XKR6: variants seen among roughly 807,000 people sequenced by gnomAD.
XKR6 encodes the protein XK related 6, also known as XK-related protein 6.
Under a neutral mutation model 56.7 loss-of-function variants are expected in XKR6, and 22 were observed. The ratio of observed to expected loss-of-function variants is 0.39; its 90% confidence interval spans 0.28 to 0.55. The LOEUF (loss-of-function observed/expected upper bound fraction) is 0.55, where lower values mean the gene tolerates loss of function less well. XKR6 is among the 20% of genes least tolerant of loss of function. The pLI is 0.66. For missense variants in XKR6, 852 were observed against 889.0 expected, an observed-to-expected ratio of 0.96 and a Z score of 0.53; for synonymous variants, 524 against 387.8, an observed-to-expected ratio of 1.35 and a Z score of -4.13.
Position 11,190,307 on chromosome 8 carries a change from G to C in XKR6, c.764+10269C>G, listed in dbSNP as rs541766402. On this transcript the variant is annotated intron_variant, in intron 1 of 2. Transcript: ENST00000416569. ...AAATAAAAGAAAAGAAAAGAAAACA[G>C]CTTCTTTATATCCTTGGGATACAAC... Among the ~76,000 whole-genome samples the C allele has an allele frequency of 2.0e-3, 306 of 152,026 alleles. 1 individual carries two copies. The highest frequency in any genetic ancestry group is 7.1e-3 in the African/African-American group (296 of 41,480).
intron 2 of XKR6, among the ~76,000 whole-genome samples, chr8:10,909,087 A>G (rs564637663): frequency 6.6e-6 from 1 of 152,084 alleles, no homozygotes; most frequent in South Asian, 2.1e-4. Flanking sequence ...AATTGTTTGA[A>G]CTGGGGAGGT....
chr8:10,992,586 T>C (rs1798018750), intron 1 of XKR6, among the ~76,000 whole-genome samples: 1 of 152,202 alleles, frequency 6.6e-6, no homozygotes, highest in Non-Finnish European at 1.5e-5. Flanking sequence ...TAAAGGGAAC[T>C]CTAATCCCTC....
intron 1 of XKR6, among the ~76,000 whole-genome samples, chr8:11,023,288 C>T (rs1230851551): frequency 6.6e-6 from 1 of 152,170 alleles, no homozygotes; most frequent in Non-Finnish European, 1.5e-5. Flanking sequence ...CCTGTTCTGC[C>T]CTGGAAGCAG....
intron 1 of XKR6, among the ~76,000 whole-genome samples, chr8:11,016,603 G>A (rs1798629070): frequency 6.6e-6 from 1 of 152,192 alleles, no homozygotes; most frequent in African/African-American, 2.4e-5. Context: ...GCTGGCTGCA[G>A]CGCGGGCCCT....
chr8:11,037,191 C>A (rs940597451), intron 1 of XKR6, among the ~76,000 whole-genome samples: 1 of 152,198 alleles, frequency 6.6e-6, no homozygotes, highest in East Asian at 1.9e-4. Context: ...TCCACAACCA[C>A]CACTTATGTG....
intron 1 of XKR6, chr8:11,063,157 G>T (rs1264006192): frequency 9.5e-6 from 2 of 211,214 alleles, no homozygotes; most frequent in African/African-American, 4.7e-5. Flanking sequence ...GAGGCCAGGA[G>T]TTCAAAACCA....
chr8:11,005,488 G>C (rs1392705824), intron 1 of XKR6, among the ~76,000 whole-genome samples: 1 of 152,120 alleles, frequency 6.6e-6, no homozygotes, highest in Non-Finnish European at 1.5e-5. Flanking sequence ...AATGGACGGT[G>C]GTAATGGTTG....
chr8:11,022,200 C>T (rs1377024334), intron 1 of XKR6, among the ~76,000 whole-genome samples: 1 of 150,964 alleles, frequency 6.6e-6, no homozygotes, highest in African/African-American at 2.4e-5. Context: ...AACTATGGCA[C>T]AAAACAGTAG....
At chr8:10,941,130 C>A (rs1801374411) in intron 1 of XKR6, among the ~76,000 whole-genome samples, 3 of 152,104 alleles carry the variant, frequency 2.0e-5, no homozygotes, top group African/African-American at 7.2e-5. Context: ...ACACGGAGAC[C>A]CCTCCAGGCC....
At chr8:10,910,026 A>T (rs1390737485) in intron 2 of XKR6, among the ~76,000 whole-genome samples, 1 of 151,958 alleles carries the variant, frequency 6.6e-6, no homozygotes, top group African/African-American at 2.4e-5. Context: ...AGAATCACCC[A>T]TTTAACTAAC....
intron 1 of XKR6, among the ~76,000 whole-genome samples, chr8:10,993,284 C>T (rs987717229): frequency 1.3e-5 from 2 of 152,218 alleles, no homozygotes; most frequent in African/African-American, 4.8e-5. Flanking sequence ...TAATCAGCAC[C>T]TACCACTTGC....
At chr8:11,097,132 T>C (rs1266039082) in intron 1 of XKR6, among the ~76,000 whole-genome samples, 3 of 152,234 alleles carry the variant, frequency 2.0e-5, no homozygotes, top group Non-Finnish European at 4.4e-5. Flanking sequence ...ACACTTGCCA[T>C]CTGACATGGC....
At chr8:11,033,269 T>C (rs1398778905) in intron 1 of XKR6, among the ~76,000 whole-genome samples, 1 of 149,582 alleles carries the variant, frequency 6.7e-6, no homozygotes, top group Non-Finnish European at 1.5e-5. Context: ...ATGATGATGA[T>C]GGCGATGATG....
rs899266677 is a variant in XKR6 at position 11,071,976 on chromosome 8, A to G, written c.764+128600T>C. Among the ~76,000 whole-genome samples the G allele has an allele frequency of 5.9e-5, 9 of 152,162 alleles. No homozygotes were observed. The East Asian group carries it at 1.7e-3, about 29-fold the overall frequency. On this transcript the variant is annotated intron_variant, in intron 1 of 2. Transcript: ENST00000416569. ...GCTCGAAGTCCAGAATAATATACAAACACACAGCCAAGATAAATACATAGA... is the reference window on the plus strand; with the variant it reads ...GCTCGAAGTCCAGAATAATATACAAGCACACAGCCAAGATAAATACATAGA...
At chr8:11,093,149 G>A (rs960237771) in intron 1 of XKR6, among the ~76,000 whole-genome samples, 1 of 151,030 alleles carries the variant, frequency 6.6e-6, no homozygotes, top group African/African-American at 2.4e-5. Context: ...TCCACCTCCC[G>A]GGTTCAAACG....
At chr8:11,147,143 G>A (rs1229376213) in intron 1 of XKR6, among the ~76,000 whole-genome samples, 1 of 151,918 alleles carries the variant, frequency 6.6e-6, no homozygotes, top group Non-Finnish European at 1.5e-5. Context: ...GGAAACTTGG[G>A]GTGGTAATGG....
At chr8:11,094,116 G>A (rs1188834762) in intron 1 of XKR6, among the ~76,000 whole-genome samples, 4 of 147,514 alleles carry the variant, frequency 2.7e-5, no homozygotes, top group Admixed American at 6.8e-5. Flanking sequence ...TTGCTGTGTC[G>A]CCCAGGCTGG....
At chr8:11,178,111 A>G (rs1289195467) in intron 1 of XKR6, among the ~76,000 whole-genome samples, 3 of 152,180 alleles carry the variant, frequency 2.0e-5, no homozygotes, top group African/African-American at 7.2e-5. Flanking sequence ...TCCAGGCAGA[A>G]GAGGCACGAA....
chr8:11,015,661 C>A (rs1048058572), intron 1 of XKR6, among the ~76,000 whole-genome samples: 3 of 152,142 alleles, frequency 2.0e-5, no homozygotes, highest in African/African-American at 7.2e-5. Context: ...CCAGCGCCCC[C>A]CAGGCCCTCC....
Sources: gnomAD v4.1 joint callset for allele counts (sites outside exome capture counted in the v4.1 genomes callset) on GRCh38, gnomAD v4.1.1 for gene constraint, MANE v1.5 for transcripts, NCBI Gene and HGNC (gene_info 2026-07-23, HGNC 2026-07-21) for gene names.